The following KSR2 variants were observed in gnomAD, a reference collection of about 807,000 sequenced individuals.
KSR2 encodes the protein kinase suppressor of ras 2.
KSR2 carries 25 observed loss-of-function variants against 107.8 expected under a neutral mutation model. The observed-to-expected ratio is 0.23, with a 90% confidence interval of 0.17 to 0.32. The LOEUF (loss-of-function observed/expected upper bound fraction) is 0.32. KSR2 is among the 10% of genes least tolerant of loss of function. KSR2 has a pLI of 1.00. For synonymous variants in KSR2, 480 were observed against 507.0 expected, an observed-to-expected ratio of 0.95 and a Z score of 0.71; for missense variants, 887 against 1,268.9, an observed-to-expected ratio of 0.70 and a Z score of 4.57.
At chr12:117,501,097 T>G (rs1873348858) in intron 14 of KSR2, among the ~76,000 whole-genome samples, 1 of 152,234 alleles carries the variant, frequency 6.6e-6, no homozygotes, top group Admixed American at 6.5e-5. Context: ...AATGATTTGA[T>G]ACTCCTTTAA....
At chr12:117,819,878 C>A (rs7138098) in intron 3 of KSR2, among the ~76,000 whole-genome samples, 6,208 of 152,072 alleles carry the variant, frequency 0.041, 378 homozygotes, top group African/African-American at 0.12. Flanking sequence ...GAAAGGGCAT[C>A]AGATAATCAA....
intron 10 of KSR2, among the ~76,000 whole-genome samples, chr12:117,532,007 C>T (rs754328165): frequency 5.3e-5 from 8 of 152,204 alleles, no homozygotes; most frequent in Non-Finnish European, 1.0e-4. Flanking sequence ...TACACACACA[C>T]ACACAGAAAA....
chr12:117,724,758 T>C (rs1441067587), intron 4 of KSR2, among the ~76,000 whole-genome samples: 1 of 151,818 alleles, frequency 6.6e-6, no homozygotes, highest in Non-Finnish European at 1.5e-5. Context: ...TGATCCCTTG[T>C]AGCGAGGGTT....
intron 1 of KSR2, among the ~76,000 whole-genome samples, chr12:117,953,015 C>T (rs1896409495): frequency 6.7e-6 from 1 of 149,600 alleles, no homozygotes; most frequent in Non-Finnish European, 1.5e-5. Flanking sequence ...ATTTTAAAGG[C>T]TGCCTTGTGA....
intron 4 of KSR2, among the ~76,000 whole-genome samples, chr12:117,708,061 C>A (rs56325823): frequency 0.14 from 21,083 of 152,210 alleles, 1,575 homozygotes; most frequent in African/African-American, 0.17. Context: ...CCTATTTGTG[C>A]ACTGGATATC....
chr12:117,611,460 A>ACACACACACACACACACACACACACACG (rs1881593998), intron 5 of KSR2, among the ~76,000 whole-genome samples: 1 of 152,044 alleles, frequency 6.6e-6, no homozygotes, highest in Admixed American at 6.6e-5. Context: ...ACACACACAC[A>ACACACACACACACACACACACACACACG]CACGTGTATC....
At chr12:117,771,894 A>G (rs1889466346) in intron 3 of KSR2, among the ~76,000 whole-genome samples, 1 of 149,784 alleles carries the variant, frequency 6.7e-6, no homozygotes, top group South Asian at 2.1e-4. Flanking sequence ...ACAAACACAC[A>G]GTCACACATA....
chr12:117,896,641 G>A (rs1894520509), intron 1 of KSR2, among the ~76,000 whole-genome samples: 1 of 151,886 alleles, frequency 6.6e-6, no homozygotes, highest in Admixed American at 6.6e-5. Flanking sequence ...TGTATTTTTA[G>A]TAGAGATGAG....
chr12:117,906,658 A>G (rs1894859827), intron 1 of KSR2, among the ~76,000 whole-genome samples: 1 of 152,088 alleles, frequency 6.6e-6, no homozygotes, highest in South Asian at 2.1e-4. Context: ...GGGAGGTACA[A>G]TCTTTTGATG....
At chr12:117,850,776 T>G (rs1405512966) in intron 3 of KSR2, among the ~76,000 whole-genome samples, 4 of 146,750 alleles carry the variant, frequency 2.7e-5, no homozygotes, top group Non-Finnish European at 5.9e-5. Flanking sequence ...GCCACTACAC[T>G]CCAGGCTGGG....
In KSR2 at chr12:117,590,654, T is replaced by TTA. The variant is rs757252036; in HGVS notation, c.1172-8296_1172-8295insTA. 2.0e-3 allele frequency among the ~76,000 whole-genome samples: 303 copies of TTA among 152,174 alleles called. 1 individual carries two copies. The highest frequency in any genetic ancestry group is 3.3e-3 in the Non-Finnish European group (223 of 68,002). On this transcript the variant is annotated intron_variant, in intron 5 of 19. Coordinates refer to ENST00000339824, the MANE Select transcript of KSR2 (RefSeq NM_173598.6). ...TACGGACTATGACTTAGTGCCAGAG[T>TTA]TGGCAAACTTGACCCTCAGGCCAAA...
At chr12:117,517,881 A>G in intron 14 of KSR2, 1 of 456,032 alleles carries the variant, frequency 2.2e-6, no homozygotes, top group South Asian at 1.5e-5. Flanking sequence ...TAGAAAGACC[A>G]CAAGTACAGG....
intron 1 of KSR2, among the ~76,000 whole-genome samples, chr12:117,963,639 T>C (rs962025220): frequency 6.6e-6 from 1 of 152,116 alleles, no homozygotes; most frequent in Non-Finnish European, 1.5e-5. Flanking sequence ...ACTTTTCTAT[T>C]GTATGCATTC....
intron 3 of KSR2, among the ~76,000 whole-genome samples, chr12:117,805,666 TC>T (rs1165969927): frequency 6.6e-6 from 1 of 152,152 alleles, no homozygotes; most frequent in Non-Finnish European, 1.5e-5. Flanking sequence ...AGCAGCAACA[TC>T]CTCCAGAAGC....
intron 4 of KSR2, among the ~76,000 whole-genome samples, chr12:117,715,536 T>C (rs1284681257): frequency 6.6e-6 from 1 of 152,194 alleles, no homozygotes; most frequent in Non-Finnish European, 1.5e-5. Flanking sequence ...AGAGATATCC[T>C]CCTCTCATTT....
chr12:117,879,266 T>A (rs961001463), intron 1 of KSR2, among the ~76,000 whole-genome samples: 1 of 152,214 alleles, frequency 6.6e-6, no homozygotes, highest in Non-Finnish European at 1.5e-5. Flanking sequence ...TCTTTTAATG[T>A]TATATAATTT....
rs1870921840 is a variant in KSR2, at chr12:117,462,050, T to C, written c.*5149A>G. 1 of 151,822 alleles carries C rather than the reference T, an allele frequency of 6.6e-6. No individual in the cohort carries two copies. Among genetic ancestry groups the C allele is most frequent in the African/African-American group, 2.4e-5 (1 of 41,312 alleles). 9.4% of individuals were successfully genotyped at this position (151,822 alleles called of 1,614,324 possible). On this transcript the variant is annotated 3_prime_UTR_variant, in exon 20 of 20. Coordinates refer to ENST00000339824, the MANE Select transcript of KSR2 (RefSeq NM_173598.6). Reference sequence around the variant, plus strand: ...GCCACAGAACTGAGATCCAGAGCTGTTGGAATTCAGTGATGGGACGTGTTG... The same window carrying C: ...GCCACAGAACTGAGATCCAGAGCTGCTGGAATTCAGTGATGGGACGTGTTG...
Position 117,638,510 on chromosome 12 carries a change from T to C in KSR2, c.1171+28964A>G, listed in dbSNP as rs570357600. 7.4e-3 allele frequency among the ~76,000 whole-genome samples: 1,069 copies of C among 144,268 alleles called. 11 individuals carry two copies. The highest frequency in any genetic ancestry group is 0.027 in the African/African-American group (1,004 of 37,130). The allele number at this position is 144,268 out of a possible 152,430, so 94.6% of individuals were successfully genotyped here. The stretch of plus-strand genomic sequence containing the variant: ...CCCTGAACGAATCTCAAAAACAATA[T>C]TCAGGGAAAAAAAAAAAAGCTGCAG... On this transcript the variant is annotated intron_variant, in intron 5 of 19. Transcript: ENST00000339824.
chr12:117,601,297 G>GGA (rs1565920438), intron 5 of KSR2, among the ~76,000 whole-genome samples: 3 of 30,690 alleles, frequency 9.8e-5, no homozygotes, highest in Non-Finnish European at 2.3e-4. Context: ...CAAGATCTTG[G>GGA]GGGGGGGGGT....
Sources: gnomAD v4.1 joint callset for allele counts (sites outside exome capture counted in the v4.1 genomes callset) on GRCh38, gnomAD v4.1.1 for gene constraint, MANE v1.5 for transcripts, NCBI Gene and HGNC (gene_info 2026-07-23, HGNC 2026-07-21) for gene names.